Variants in NRG1 observed in about 807,000 individuals in gnomAD.
The protein encoded by NRG1 is neuregulin 1, also known as pro-neuregulin-1, membrane-bound isoform.
Under a neutral mutation model 63.8 loss-of-function variants are expected in NRG1, and 18 were observed. That is an observed-to-expected ratio of 0.28 (90% CI 0.19 to 0.42). The LOEUF (loss-of-function observed/expected upper bound fraction) is 0.42. Ranked by LOEUF, NRG1 falls within the 10% of genes least tolerant of loss-of-function variation. The pLI, the probability that NRG1 is intolerant of heterozygous loss-of-function variation, is 1.00. For synonymous variants in NRG1, 302 were observed against 301.3 expected, an observed-to-expected ratio of 1.00 and a Z score of -0.02; for missense variants, 762 against 814.7, an observed-to-expected ratio of 0.94 and a Z score of 0.79.
chr8:31,750,830 A>G (rs976189664), intron 1 of NRG1, among the ~76,000 whole-genome samples: 12 of 151,962 alleles, frequency 7.9e-5, no homozygotes, highest in Non-Finnish European at 1.5e-4. Flanking sequence ...CTAGTTTTGT[A>G]GACATTTCTT....
intron 1 of NRG1, among the ~76,000 whole-genome samples, chr8:32,208,121 T>C (rs1844269488): frequency 6.6e-6 from 1 of 152,204 alleles, no homozygotes; most frequent in African/African-American, 2.4e-5. Context: ...TAAATGACCC[T>C]ATTTAGTTTG....
rs190638488 is a variant in NRG1 at position 32,012,355 on chromosome 8, C to T, written c.37+372924C>T. Among the ~76,000 whole-genome samples the T allele has an allele frequency of 7.2e-5, 11 of 151,992 alleles. No individual in the cohort carries two copies. The East Asian group carries it at 7.7e-4, about 11-fold the overall frequency. ...TGAGCATCAGTGGCTGAATTAGGTGCGGAGGGTTGCAGATGATATTTAGGA... is the reference window on the plus strand; with the variant it reads ...TGAGCATCAGTGGCTGAATTAGGTGTGGAGGGTTGCAGATGATATTTAGGA... On this transcript the variant is annotated intron_variant, in intron 1 of 10. Transcript: ENST00000519301.
At chr8:31,845,870 T>C (rs1438889814) in intron 1 of NRG1, among the ~76,000 whole-genome samples, 1 of 152,212 alleles carries the variant, frequency 6.6e-6, no homozygotes, top group Non-Finnish European at 1.5e-5. Context: ...AATATGCACT[T>C]AAATTTATGA....
chr8:32,256,711 G>A (rs911420453), intron 1 of NRG1: 1 of 152,544 alleles, frequency 6.6e-6, no homozygotes, highest in Admixed American at 6.5e-5. Flanking sequence ...CTTGTGTGAG[G>A]TGTCTGTCAA....
chr8:31,687,055 C>T (rs1305490791), intron 1 of NRG1, among the ~76,000 whole-genome samples: 3 of 152,132 alleles, frequency 2.0e-5, no homozygotes, highest in African/African-American at 7.2e-5. Flanking sequence ...AGGTGTGAGC[C>T]TCTGTGCCCG....
chr8:32,494,879 G>A (rs527990970), intron 1 of NRG1, among the ~76,000 whole-genome samples: 28 of 152,150 alleles, frequency 1.8e-4, no homozygotes, highest in African/African-American at 2.7e-4. Context: ...TACGGTATGC[G>A]TCATAAAGTC....
At chr8:31,739,004 A>C (rs62506954) in intron 1 of NRG1, among the ~76,000 whole-genome samples, 31,832 of 152,002 alleles carry the variant, frequency 0.21, 4,566 homozygotes, top group East Asian at 0.67. Flanking sequence ...TGGGGGCCCA[A>C]TTCAACCAAT....
At chr8:32,510,471 T>C (rs891729630) in intron 1 of NRG1, among the ~76,000 whole-genome samples, 4 of 151,372 alleles carry the variant, frequency 2.6e-5, no homozygotes, top group Non-Finnish European at 4.4e-5. Flanking sequence ...GGTGAGAAGA[T>C]GAAGACCTGT....
intron 5 of NRG1, among the ~76,000 whole-genome samples, chr8:32,635,232 C>T (rs900629656): frequency 5.9e-5 from 9 of 152,156 alleles, no homozygotes; most frequent in South Asian, 2.1e-4. Flanking sequence ...CAGCACAATG[C>T]CTGTCACAGA....
exon 1 of NRG1, chr8:32,548,501 C>G: frequency 8.2e-7 from 1 of 1,225,316 alleles, no homozygotes; most frequent in Non-Finnish European, 1.0e-6. Context: ...AGGAGCAGCC[C>G]CGAGAGCCAG....
intron 5 of NRG1, among the ~76,000 whole-genome samples, chr8:32,623,052 C>T (rs899002597): frequency 6.6e-6 from 1 of 152,136 alleles, no homozygotes; most frequent in Admixed American, 6.5e-5. Context: ...AGGAACTAAT[C>T]CAGGAAGTCT....
At chr8:32,599,564 T>C (rs1843954061) in intron 2 of NRG1, among the ~76,000 whole-genome samples, 1 of 152,208 alleles carries the variant, frequency 6.6e-6, no homozygotes, top group Admixed American at 6.5e-5. Context: ...CCATTGAGCC[T>C]TTGTTTATTT....
At chr8:32,358,368 GAAAAA>G (rs34976612) in intron 1 of NRG1, among the ~76,000 whole-genome samples, 6,430 of 98,988 alleles carry the variant, frequency 0.065, 206 homozygotes, top group Middle Eastern at 0.16. Context: ...TGCCATTTAT[GAAAAA>G]AAAAAAAAAA....
chr8:31,639,325 G>C, exon 1 of NRG1: 1 of 1,525,616 alleles, frequency 6.6e-7, no homozygotes, highest in Non-Finnish European at 8.8e-7. Flanking sequence ...GACAGAGAGG[G>C]AGGAGGCGCG....
At chr8:32,656,734 T>TA (rs1801579976) in intron 5 of NRG1, among the ~76,000 whole-genome samples, 1 of 152,202 alleles carries the variant, frequency 6.6e-6, no homozygotes, top group Non-Finnish European at 1.5e-5. Flanking sequence ...CTTCGAAGCA[T>TA]AAAATATTTG....
At chr8:31,771,189 T>C (rs765073681) in intron 1 of NRG1, among the ~76,000 whole-genome samples, 36 of 152,144 alleles carry the variant, frequency 2.4e-4, no homozygotes, top group Non-Finnish European at 4.4e-4. Context: ...CAGCCACTAA[T>C]CTCCATCATT....
chr8:31,956,486 G>A (rs1777742304), intron 1 of NRG1, among the ~76,000 whole-genome samples: 1 of 152,108 alleles, frequency 6.6e-6, no homozygotes, highest in Non-Finnish European at 1.5e-5. Flanking sequence ...CAGGCATTGT[G>A]GCGGGTGCCC....
chr8:31,918,900 G>A lies in NRG1; in HGVS notation c.37+279469G>A, dbSNP rs980820516. Among the ~76,000 whole-genome samples, 19 of 152,268 alleles carry A rather than the reference G, an allele frequency of 1.2e-4. 1 individual carries two copies. The highest frequency in any genetic ancestry group is 4.3e-4 in the African/African-American group (18 of 41,564). ...TCAGCTTCTGTTATTGGTGTATTCAGAGATTCAACTTCCTCCTGGTTTAGT... is the reference window on the plus strand; with the variant it reads ...TCAGCTTCTGTTATTGGTGTATTCAAAGATTCAACTTCCTCCTGGTTTAGT... On this transcript the variant is annotated intron_variant, in intron 1 of 10. Coordinates refer to the NRG1 transcript ENST00000519301.
At chr8:32,583,830 A>T (rs1002524926) in intron 1 of NRG1, among the ~76,000 whole-genome samples, 19 of 152,248 alleles carry the variant, frequency 1.2e-4, no homozygotes, top group Non-Finnish European at 2.5e-4. Context: ...GTGCAATCCA[A>T]GTAAGGTCTC....
Sources: gnomAD v4.1 joint callset for allele counts (sites outside exome capture counted in the v4.1 genomes callset) on GRCh38, gnomAD v4.1.1 for gene constraint, MANE v1.5 for transcripts, NCBI Gene and HGNC (gene_info 2026-07-23, HGNC 2026-07-21) for gene names.